The following FBXW11 variants were observed in gnomAD, a reference collection of about 807,000 sequenced individuals.
FBXW11 encodes the protein F-box/WD repeat-containing protein 11.
A neutral mutation model predicts 77.6 loss-of-function variants in FBXW11; 19 were observed. That is an observed-to-expected ratio of 0.24 (90% CI 0.17 to 0.36). FBXW11 has a LOEUF of 0.36. Ranked by LOEUF, FBXW11 falls within the 10% of genes least tolerant of loss-of-function variation. The probability of loss-of-function intolerance (pLI) is 1.00; values close to 1 mark genes in which losing one functional copy is unlikely to be tolerated. For missense variants in FBXW11, 334 were observed against 704.2 expected (o/e 0.47, Z 5.95); for synonymous variants, 235 against 249.4 (o/e 0.94, Z 0.54).
chr5:171,916,653 G>A (rs1243757458), intron 2 of FBXW11, among the ~76,000 whole-genome samples: 1 of 152,178 alleles, frequency 6.6e-6, no homozygotes, highest in Non-Finnish European at 1.5e-5. Context: ...GGGGAATAAA[G>A]AAAGGGGGAG....
At chr5:171,887,672 T>A (rs902910792) in intron 7 of FBXW11, among the ~76,000 whole-genome samples, 1 of 151,962 alleles carries the variant, frequency 6.6e-6, no homozygotes, top group Non-Finnish European at 1.5e-5. Flanking sequence ...CTTTCTTTTT[T>A]TTTTTATTTT....
chr5:171,968,456 CAAA>C (rs70982358), intron 1 of FBXW11, among the ~76,000 whole-genome samples: 3 of 133,694 alleles, frequency 2.2e-5, no homozygotes, highest in Non-Finnish European at 1.6e-5. Context: ...GACTCTGTCT[CAAA>C]AAAAAAAAAA....
rs571722619 is a variant in FBXW11 at position 171,979,302 on chromosome 5, C to T, written c.46-21604G>A. 3.3e-5 allele frequency among the ~76,000 whole-genome samples: 5 copies of T among 152,118 alleles called. No individual in the cohort carries two copies. The South Asian group carries it at 8.3e-4, about 25-fold the overall frequency. On this transcript the variant is annotated intron_variant, in intron 1 of 13. Transcript: ENST00000517395. ...CATTCCAGCCTGGGAAACAAAGACC[C>T]TCTCTCAAAAAATAAATATATACAT...
intron 1 of FBXW11, among the ~76,000 whole-genome samples, chr5:171,963,960 T>G (rs1422603246): frequency 6.6e-6 from 1 of 152,198 alleles, no homozygotes; most frequent in Non-Finnish European, 1.5e-5. Context: ...TAAATTCCTT[T>G]AAGTGAGACA....
At chr5:171,991,965 A>G (rs1341766446) in intron 1 of FBXW11, among the ~76,000 whole-genome samples, 1 of 151,804 alleles carries the variant, frequency 6.6e-6, no homozygotes, top group African/African-American at 2.4e-5. Flanking sequence ...AAATACAAAA[A>G]TTAGCTGGGC....
At chr5:171,987,942 G>C (rs765069459) in intron 1 of FBXW11, among the ~76,000 whole-genome samples, 12 of 152,128 alleles carry the variant, frequency 7.9e-5, no homozygotes, top group Non-Finnish European at 1.6e-4. Context: ...ACAATACCTA[G>C]AACAGAGTAC....
intron 7 of FBXW11, among the ~76,000 whole-genome samples, chr5:171,884,645 T>C (rs1470335558): frequency 6.6e-6 from 1 of 152,212 alleles, no homozygotes; most frequent in Non-Finnish European, 1.5e-5. Context: ...AGGGACTGCA[T>C]TGAATTTGTA....
chr5:171,866,258 T>C (rs1183114817), intron 13 of FBXW11, among the ~76,000 whole-genome samples: 2 of 148,450 alleles, frequency 1.3e-5, no homozygotes, highest in African/African-American at 2.6e-5. Context: ...GAGCAAGACA[T>C]TGTCTCAAAG....
chr5:171,977,849 C>T (rs540264894), intron 1 of FBXW11: 5 of 237,542 alleles, frequency 2.1e-5, no homozygotes, highest in South Asian at 2.0e-4. Context: ...CCCACGGGGT[C>T]CCTCCCACAA....
At chr5:171,908,525 C>T (rs145354379) in intron 4 of FBXW11, among the ~76,000 whole-genome samples, 94 of 152,246 alleles carry the variant, frequency 6.2e-4, no homozygotes, top group Admixed American at 1.7e-3. Flanking sequence ...GGCTAAGATC[C>T]CCTTCAGCAA....
chr5:171,878,561 AGT>A (rs1160195341), intron 7 of FBXW11, among the ~76,000 whole-genome samples: 1 of 116,926 alleles, frequency 8.6e-6, no homozygotes, highest in African/African-American at 3.0e-5. Flanking sequence ...AGAGTGTGTG[AGT>A]GTGTGTGTGT....
At chr5:171,893,674 A>C (rs888889448) in intron 6 of FBXW11, among the ~76,000 whole-genome samples, 1 of 152,134 alleles carries the variant, frequency 6.6e-6, no homozygotes, top group African/African-American at 2.4e-5. Flanking sequence ...TAACAAGTCT[A>C]ATTTGTGGCC....
intron 2 of FBXW11, among the ~76,000 whole-genome samples, chr5:171,951,728 C>T (rs947157314): frequency 6.6e-6 from 1 of 152,054 alleles, no homozygotes; most frequent in Non-Finnish European, 1.5e-5. Flanking sequence ...GCCTGGGCCT[C>T]CCAAAGTGCT....
At chr5:171,945,805 T>C (rs1206282000) in intron 2 of FBXW11, among the ~76,000 whole-genome samples, 1 of 152,232 alleles carries the variant, frequency 6.6e-6, no homozygotes, top group Admixed American at 6.5e-5. Context: ...AAGATTAATA[T>C]TATTTTTACT....
intron 1 of FBXW11, among the ~76,000 whole-genome samples, chr5:171,987,974 A>C (rs1326374499): frequency 6.6e-6 from 1 of 152,242 alleles, no homozygotes; most frequent in African/African-American, 2.4e-5. Flanking sequence ...TGAATGGATG[A>C]AACTATTTAT....
Position 171,938,167 on chromosome 5 carries a change from C to T in FBXW11, c.147+19430G>A, listed in dbSNP as rs113458690. Among the ~76,000 whole-genome samples the T allele has an allele frequency of 5.6e-3, 856 of 152,348 alleles. 8 individuals carry two copies. The highest frequency in any genetic ancestry group is 7.5e-3 in the Non-Finnish European group (513 of 68,034). On this transcript the variant is annotated intron_variant, in intron 2 of 13. Coordinates refer to ENST00000517395, the MANE Select transcript of FBXW11 (RefSeq NM_001378974.1). ...CACTCTTCCAGACTCAAGTTATCCT[C>T]CCACCTCAGCTTCCCATGGAGCTGG...
At chr5:171,972,316 A>AAAATAAATAAAT (rs35891894) in intron 1 of FBXW11, among the ~76,000 whole-genome samples, 99 of 134,714 alleles carry the variant, frequency 7.3e-4, no homozygotes, top group African/African-American at 2.4e-3. Context: ...CGTCTCTACA[A>AAAATAAATAAAT]AAATAAATAA....
intron 5 of FBXW11, among the ~76,000 whole-genome samples, chr5:171,899,335 A>G (rs1294820430): frequency 1.3e-5 from 2 of 152,188 alleles, no homozygotes; most frequent in Admixed American, 6.5e-5. Flanking sequence ...CTAGCCTTTC[A>G]TTCCATAGAG....
intron 2 of FBXW11, among the ~76,000 whole-genome samples, chr5:171,926,803 A>G (rs1761913931): frequency 6.6e-6 from 1 of 152,188 alleles, no homozygotes; most frequent in South Asian, 2.1e-4. Flanking sequence ...TAAGGCAGAG[A>G]TATTTGGTTG....
Sources: gnomAD v4.1 joint callset for allele counts (sites outside exome capture counted in the v4.1 genomes callset) on GRCh38, gnomAD v4.1.1 for gene constraint, MANE v1.5 for transcripts, NCBI Gene and HGNC (gene_info 2026-07-23, HGNC 2026-07-21) for gene names.